SORCS3: variants seen among roughly 807,000 people sequenced by gnomAD.
SORCS3 encodes VPS10 domain-containing receptor SorCS3.
SORCS3 carries 57 observed loss-of-function variants against 146.3 expected under a neutral mutation model. The ratio of observed to expected loss-of-function variants is 0.39; its 90% CI spans 0.31 to 0.49. The LOEUF (loss-of-function observed/expected upper bound fraction) is 0.49, where lower values mean the gene tolerates loss of function less well. Among genes scored for constraint, SORCS3 ranks in the 20% least tolerant of loss-of-function variants. The pLI, the probability that SORCS3 is intolerant of heterozygous loss-of-function variation, is 0.92. For synonymous variants in SORCS3, 653 were observed against 618.5 expected, an observed-to-expected ratio of 1.06 and a Z score of -0.83; for missense variants, 1,341 against 1,575.5, an observed-to-expected ratio of 0.85 and a Z score of 2.52.
At chr10:104,955,439 C>T (rs1589565076) in intron 3 of SORCS3, among the ~76,000 whole-genome samples, 1 of 152,212 alleles carries the variant, frequency 6.6e-6, no homozygotes, top group Admixed American at 6.5e-5. Flanking sequence ...AGATTGTTTC[C>T]ACATGTTTTG....
At chr10:104,942,734 A>G (rs917111466) in intron 3 of SORCS3, among the ~76,000 whole-genome samples, 3 of 152,246 alleles carry the variant, frequency 2.0e-5, no homozygotes, top group African/African-American at 7.2e-5. Context: ...ATAACACTCA[A>G]TACCCATTCA....
At chr10:105,215,972 A>G (rs1421516812) in intron 18 of SORCS3, among the ~76,000 whole-genome samples, 1 of 97,942 alleles carries the variant, frequency 1.0e-5, no homozygotes, top group Non-Finnish European at 1.9e-5. Flanking sequence ...TTGGCCCAAT[A>G]TAATGGTGGG....
chr10:105,031,999 C>T (rs527899902), intron 4 of SORCS3, among the ~76,000 whole-genome samples: 128 of 152,208 alleles, frequency 8.4e-4, no homozygotes, highest in African/African-American at 3.0e-3. Context: ...TCAAGACCAG[C>T]CTGACCAACA....
At chr10:105,248,695 C>T (rs927197821) in intron 22 of SORCS3, among the ~76,000 whole-genome samples, 2 of 125,436 alleles carry the variant, frequency 1.6e-5, no homozygotes, top group Middle Eastern at 5.6e-3. Flanking sequence ...AGCCTGGTGA[C>T]AGAGTGAGAC....
chr10:105,003,996 C>CTTTTTTTTTTTTTTTTTTT (rs1252675750), intron 4 of SORCS3, among the ~76,000 whole-genome samples: 3 of 84,796 alleles, frequency 3.5e-5, no homozygotes, highest in African/African-American at 1.0e-4. Context: ...TTTCTCTTCT[C>CTTTTTTTTTTTTTTTTTTT]TCTCTTTTTT....
intron 1 of SORCS3, among the ~76,000 whole-genome samples, chr10:104,667,195 T>C (rs761314941): frequency 2.6e-5 from 4 of 152,204 alleles, no homozygotes; most frequent in Non-Finnish European, 5.9e-5. Context: ...CTGAACCTAG[T>C]TGGTATGGAC....
chr10:104,874,347 C>G (rs868492074), intron 2 of SORCS3, among the ~76,000 whole-genome samples: 3 of 152,146 alleles, frequency 2.0e-5, no homozygotes, highest in Non-Finnish European at 4.4e-5. Flanking sequence ...TATCTTGTCT[C>G]TAGCACACAT....
At chr10:104,952,495 G>A (rs369842281) in intron 3 of SORCS3, among the ~76,000 whole-genome samples, 13 of 151,986 alleles carry the variant, frequency 8.6e-5, no homozygotes, top group East Asian at 5.8e-4. Context: ...AGTTTGAAAC[G>A]CATTACTCGA....
chr10:104,741,333 G>A (rs1161324622), intron 1 of SORCS3, among the ~76,000 whole-genome samples: 1 of 151,786 alleles, frequency 6.6e-6, no homozygotes, highest in Admixed American at 6.6e-5. Context: ...CATCATAACA[G>A]CACACTTGGC....
chr10:105,250,019 C>T (rs534449566), intron 22 of SORCS3, among the ~76,000 whole-genome samples: 4 of 152,186 alleles, frequency 2.6e-5, no homozygotes, highest in Non-Finnish European at 5.9e-5. Context: ...GTGTATTTCT[C>T]ATAATTCTGG....
At chr10:105,105,753 A>G (rs2055816383) in intron 7 of SORCS3, among the ~76,000 whole-genome samples, 1 of 152,194 alleles carries the variant, frequency 6.6e-6, no homozygotes, top group Admixed American at 6.5e-5. Context: ...TGAATTGGCT[A>G]GTCTTGGGCT....
chr10:104,969,478 T>C (rs766260833), intron 3 of SORCS3, among the ~76,000 whole-genome samples: 1 of 152,160 alleles, frequency 6.6e-6, no homozygotes. Context: ...ATGATTTGTA[T>C]GAGATTTTAA....
At chr10:105,186,586 A>G (rs1434558456) in intron 14 of SORCS3, among the ~76,000 whole-genome samples, 1 of 152,120 alleles carries the variant, frequency 6.6e-6, no homozygotes, top group Non-Finnish European at 1.5e-5. Context: ...ATAGCTCTTT[A>G]AATTTCCCTA....
rs145883003 is a variant in SORCS3 at position 104,674,194 on chromosome 10, T to A, written c.627+32240T>A. Reference sequence around the variant, plus strand: ...ATTAAGTTTTGTCTGTTCTTGAAAATCATATAAATGGAATAAGATAGCATG... The same window carrying A: ...ATTAAGTTTTGTCTGTTCTTGAAAAACATATAAATGGAATAAGATAGCATG... On this transcript the variant is annotated intron_variant, in intron 1 of 26. Coordinates refer to ENST00000369701, the MANE Select transcript of SORCS3 (RefSeq NM_014978.3). Among the ~76,000 whole-genome samples the A allele has an allele frequency of 2.5e-3, 381 of 152,300 alleles. 1 individual carries two copies. Among genetic ancestry groups the A allele is most frequent in the Non-Finnish European group, 4.6e-3 (314 of 68,010 alleles).
chr10:104,793,250 T>A (rs1186518990), intron 1 of SORCS3, among the ~76,000 whole-genome samples: 2 of 152,200 alleles, frequency 1.3e-5, no homozygotes, highest in African/African-American at 4.8e-5. Flanking sequence ...GTCTATATTC[T>A]TCCTTTTGCC....
chr10:104,716,857 T>G (rs2016485501), intron 1 of SORCS3, among the ~76,000 whole-genome samples: 1 of 152,198 alleles, frequency 6.6e-6, no homozygotes, highest in Admixed American at 6.5e-5. Context: ...AGGGTTTCAC[T>G]TAGTGAGTTA....
At chr10:105,236,573 G>A (rs566093486) in intron 20 of SORCS3, among the ~76,000 whole-genome samples, 10 of 152,216 alleles carry the variant, frequency 6.6e-5, no homozygotes, top group African/African-American at 2.4e-4. Context: ...TGCAAGAAGG[G>A]CAGTTCTTGA....
chr10:105,075,700 AC>A (rs2055584463), intron 5 of SORCS3, among the ~76,000 whole-genome samples: 1 of 152,156 alleles, frequency 6.6e-6, no homozygotes, highest in African/African-American at 2.4e-5. Flanking sequence ...CAACAGTGTA[AC>A]AGCTGTCAGT....
At chr10:105,210,379 G>A (rs2056626311) in intron 16 of SORCS3, among the ~76,000 whole-genome samples, 1 of 152,112 alleles carries the variant, frequency 6.6e-6, no homozygotes, top group Non-Finnish European at 1.5e-5. Context: ...AATGATCTCT[G>A]GTTGGCTACA....
Sources: gnomAD v4.1 joint callset for allele counts (sites outside exome capture counted in the v4.1 genomes callset) on GRCh38, gnomAD v4.1.1 for gene constraint, MANE v1.5 for transcripts, NCBI Gene and HGNC (gene_info 2026-07-23, HGNC 2026-07-21) for gene names.